Variants in MIB1 observed in about 807,000 individuals in gnomAD.
MIB1 encodes the protein MIB E3 ubiquitin protein ligase 1.
A neutral mutation model predicts 124.5 loss-of-function variants in MIB1; 278 were observed. That is an observed-to-expected ratio of 2.23 (90% confidence interval 2.02 to 2.47). The LOEUF is 2.47. Among genes scored for constraint, MIB1 ranks in the 30% most tolerant of loss-of-function variants. The pLI is 0.00. For missense variants in MIB1, 957 were observed against 1,254.4 expected, an observed-to-expected ratio of 0.76 and a Z score of 3.58; for synonymous variants, 446 against 429.4, an observed-to-expected ratio of 1.04 and a Z score of -0.48.
At chr18:21,815,860 A>C (rs948377068) in intron 11 of MIB1, 47 bp downstream of exon 11, 5 of 1,515,112 alleles carry the variant, frequency 3.3e-6, no homozygotes, top group Non-Finnish European at 4.6e-6. Context: ...CTAGGATCCT[A>C]TTAAAGGGAA....
intron 10 of MIB1, among the ~76,000 whole-genome samples, chr18:21,806,477 C>T (rs1034302778): frequency 6.6e-6 from 1 of 152,106 alleles, no homozygotes; most frequent in African/African-American, 2.4e-5. Flanking sequence ...GTTGGAATTA[C>T]AAGTGTGAGC....
intron 10 of MIB1, chr18:21,812,610 T>TA (rs1757506433): frequency 6.6e-6 from 1 of 152,192 alleles, no homozygotes; most frequent in South Asian, 2.1e-4. Context: ...GACTGTGACT[T>TA]ACAGATACTG....
chr18:21,862,976 G>GT (rs1242350258), intron 20 of MIB1, among the ~76,000 whole-genome samples: 2 of 152,126 alleles, frequency 1.3e-5, no homozygotes, highest in East Asian at 3.8e-4. Context: ...GTTTATATAG[G>GT]TTTTTTTGTT....
At chr18:21,777,745 A>T (rs949570628) in intron 4 of MIB1, among the ~76,000 whole-genome samples, 4 of 151,976 alleles carry the variant, frequency 2.6e-5, no homozygotes, top group African/African-American at 9.7e-5. Context: ...TTTAGTGGAG[A>T]CGGGGTTTCA....
At chr18:21,765,265 A>G (rs1320163952) in intron 1 of MIB1, among the ~76,000 whole-genome samples, 1 of 152,102 alleles carries the variant, frequency 6.6e-6, no homozygotes, top group African/African-American at 2.4e-5. Context: ...CTTCCTAATC[A>G]TTTTCTAACT....
intron 5 of MIB1, among the ~76,000 whole-genome samples, chr18:21,778,560 G>T (rs1246976982): frequency 2.0e-5 from 3 of 151,952 alleles, no homozygotes; most frequent in African/African-American, 4.8e-5. Flanking sequence ...ACAGCTCCAA[G>T]ATTAAGATAA....
intron 12 of MIB1, among the ~76,000 whole-genome samples, chr18:21,822,674 T>C (rs1414522128): frequency 1.4e-5 from 2 of 141,224 alleles, no homozygotes; most frequent in East Asian, 2.1e-4. Context: ...AATTCTTTTT[T>C]TCATATCAAA....
intron 9 of MIB1, among the ~76,000 whole-genome samples, 170 bp downstream of exon 9, chr18:21,800,144 A>T (rs2041634841): frequency 1.3e-5 from 2 of 152,074 alleles, no homozygotes; most frequent in South Asian, 4.1e-4. Flanking sequence ...GTGCATTTCT[A>T]AAAAAACCAG....
intron 1 of MIB1, among the ~76,000 whole-genome samples, chr18:21,758,236 C>T (rs1352801901): frequency 6.6e-6 from 1 of 152,136 alleles, no homozygotes; most frequent in Non-Finnish European, 1.5e-5. Flanking sequence ...TTTAGTATTT[C>T]TCTAGAGAAA....
intron 3 of MIB1, among the ~76,000 whole-genome samples, chr18:21,772,055 T>G (rs2041229820): frequency 6.6e-6 from 1 of 152,140 alleles, no homozygotes; most frequent in Non-Finnish European, 1.5e-5. Context: ...AAAGAGTAAA[T>G]GGACTAAATT....
upstream of MIB1, among the ~76,000 whole-genome samples, chr18:21,740,403 G>A (rs1297265657): frequency 1.3e-5 from 2 of 152,168 alleles, no homozygotes; most frequent in African/African-American, 4.8e-5. Flanking sequence ...CTACTAACCT[G>A]CTCTGTCTGG....
chr18:21,732,579 G>T (rs1391349019), intron 1 of MIB1, among the ~76,000 whole-genome samples: 4 of 152,018 alleles, frequency 2.6e-5, no homozygotes, highest in South Asian at 4.2e-4. Context: ...TGATTTTTCT[G>T]TAGAGATGGG....
chr18:21,858,272 T>C (rs911312124), intron 19 of MIB1, among the ~76,000 whole-genome samples: 1 of 152,212 alleles, frequency 6.6e-6, no homozygotes, highest in Non-Finnish European at 1.5e-5. Context: ...ACGTAGAGCC[T>C]TGGAAAACCC....
At position 21,767,129 on chromosome 18, in the gene MIB1, G is replaced by A. The variant is rs148504184; in HGVS notation, c.401+1186G>A. 2.8e-3 allele frequency among the ~76,000 whole-genome samples: 430 copies of A among 152,202 alleles called. 1 individual carries two copies. Among genetic ancestry groups the A allele is most frequent in the Middle Eastern group, 6.8e-3 (2 of 294 alleles). ...ATCCAGACCACAGATGTATTTTACC[G>A]ATACATACATATATTAATCCCTTTT... On this transcript the variant is annotated intron_variant, in intron 2 of 20. Transcript: ENST00000261537.
chr18:21,728,917 ACTT>A (rs574356857), intron 1 of MIB1, among the ~76,000 whole-genome samples: 111 of 152,264 alleles, frequency 7.3e-4, no homozygotes, highest in Non-Finnish European at 1.1e-3. Flanking sequence ...CTAAGATAGG[ACTT>A]CTTCTTTCAT....
intron 4 of MIB1, among the ~76,000 whole-genome samples, chr18:21,775,038 C>T (rs140932155): frequency 6.8e-4 from 103 of 151,954 alleles, no homozygotes; most frequent in Non-Finnish European, 1.3e-3. Flanking sequence ...CTCCACCTCC[C>T]GGGTTCATGC....
At chr18:21,740,730 G>A (rs1172252987), upstream of MIB1, among the ~76,000 whole-genome samples, 1 of 152,210 alleles carries the variant, frequency 6.6e-6, no homozygotes, top group Non-Finnish European at 1.5e-5. Flanking sequence ...CCCCTCCATC[G>A]CCCGGGGCTG....
chr18:21,851,861 A>C (rs1278714838), intron 17 of MIB1, among the ~76,000 whole-genome samples: 1 of 152,118 alleles, frequency 6.6e-6, no homozygotes, highest in East Asian at 1.9e-4. Context: ...GTATGGCTAC[A>C]GTTTTTTTTT....
At chr18:21,783,007 T>C (rs1422423491) in intron 6 of MIB1, among the ~76,000 whole-genome samples, 2 of 152,192 alleles carry the variant, frequency 1.3e-5, no homozygotes, top group African/African-American at 4.8e-5. Flanking sequence ...TTGACCACTT[T>C]ATTATTATAC....
Sources: gnomAD v4.1 joint callset for allele counts (sites outside exome capture counted in the v4.1 genomes callset) on GRCh38, gnomAD v4.1.1 for gene constraint, MANE v1.5 for transcripts, NCBI Gene and HGNC (gene_info 2026-07-23, HGNC 2026-07-21) for gene names.